The following BMP6 variants were observed in gnomAD, a reference collection of about 807,000 sequenced individuals.
The protein encoded by BMP6 is VG-1-R.
In BMP6, 17 loss-of-function variants were observed where a neutral mutation model predicts 54.1. The ratio of observed to expected loss-of-function variants is 0.31; its 90% CI spans 0.22 to 0.47. BMP6 has a LOEUF of 0.47. Among genes scored for constraint, BMP6 ranks in the 20% least tolerant of loss-of-function variants. BMP6 has a pLI of 1.00. For synonymous variants in BMP6, 328 were observed against 291.2 expected (o/e 1.13, Z -1.28); for missense variants, 720 against 690.4 (o/e 1.04, Z -0.48).
chr6:7,784,292 A>G (rs1042643272), intron 1 of BMP6, among the ~76,000 whole-genome samples: 2 of 151,990 alleles, frequency 1.3e-5, no homozygotes, highest in Non-Finnish European at 2.9e-5. Context: ...TGCCCTTCTT[A>G]TTATCTAAGT....
intron 1 of BMP6, among the ~76,000 whole-genome samples, chr6:7,732,050 T>A (rs1761868938): frequency 6.6e-6 from 1 of 152,146 alleles, no homozygotes; most frequent in African/African-American, 2.4e-5. Flanking sequence ...TTGGGAAACA[T>A]AAATAAGAAG....
intron 1 of BMP6, among the ~76,000 whole-genome samples, chr6:7,811,403 A>G (rs982335909): frequency 1.3e-5 from 2 of 152,146 alleles, no homozygotes; most frequent in African/African-American, 4.8e-5. Context: ...GAGACTATCT[A>G]GAAGGAAGGT....
chr6:7,810,283 G>A (rs1183655026), intron 1 of BMP6, among the ~76,000 whole-genome samples: 1 of 152,196 alleles, frequency 6.6e-6, no homozygotes, highest in African/African-American at 2.4e-5. Context: ...TAAGAAAACA[G>A]CTACGTAGAT....
chr6:7,856,058 T>C (rs1310297669), intron 2 of BMP6, among the ~76,000 whole-genome samples: 1 of 140,664 alleles, frequency 7.1e-6, no homozygotes, highest in Admixed American at 7.9e-5. Flanking sequence ...GCATTTGATA[T>C]TTGAAACGTC....
intron 2 of BMP6, among the ~76,000 whole-genome samples, chr6:7,852,526 A>C (rs931724500): frequency 1.3e-5 from 2 of 152,266 alleles, no homozygotes; most frequent in Non-Finnish European, 2.9e-5. Context: ...GCAGTGAGCT[A>C]TGATTGCACC....
Position 7,848,372 on chromosome 6 carries a change from A to G in BMP6, c.857+3040A>G, listed in dbSNP as rs190421359. Among the ~76,000 whole-genome samples the G allele has an allele frequency of 2.3e-3, 346 of 152,278 alleles. 3 individuals carry two copies. The highest frequency in any genetic ancestry group is 7.9e-3 in the African/African-American group (327 of 41,570). On this transcript the variant is annotated intron_variant, in intron 2 of 6. Transcript: ENST00000283147. Reference sequence around the variant, plus strand: ...GAAAGCTAAAGAACTTGTCTTTGAGATATTTTTCAGAGTTAGCATTTCAGC... The same window carrying G: ...GAAAGCTAAAGAACTTGTCTTTGAGGTATTTTTCAGAGTTAGCATTTCAGC...
Position 7,831,731 on chromosome 6 carries a change from A to G in BMP6, c.665-13409A>G, listed in dbSNP as rs376426517. Among the ~76,000 whole-genome samples, 64 of 152,354 alleles carry G rather than the reference A, an allele frequency of 4.2e-4. No individual in the cohort carries two copies. In the Middle Eastern group the frequency reaches 0.014, roughly 32 times the overall value. On this transcript the variant is annotated intron_variant, in intron 1 of 6. Transcript: ENST00000283147. ...GCCAATAGTGCTGCTGCTTAAAACA[A>G]CAAACCCAGACAGATGTGTTCAGCA... is the stretch of plus-strand genomic sequence containing the variant.
At chr6:7,805,322 A>G (rs1292764110) in intron 1 of BMP6, among the ~76,000 whole-genome samples, 1 of 152,242 alleles carries the variant, frequency 6.6e-6, no homozygotes, top group African/African-American at 2.4e-5. Flanking sequence ...CTTTTGGATT[A>G]CAGAGCTGCA....
At chr6:7,838,098 T>C (rs150901705) in intron 1 of BMP6, among the ~76,000 whole-genome samples, 3 of 152,342 alleles carry the variant, frequency 2.0e-5, no homozygotes, top group African/African-American at 7.2e-5. Context: ...AGTTTCGGTT[T>C]CCACAGTTTG....
intron 2 of BMP6, among the ~76,000 whole-genome samples, chr6:7,855,613 G>A (rs1211328491): frequency 6.9e-6 from 1 of 144,702 alleles, no homozygotes; most frequent in Non-Finnish European, 1.5e-5. Context: ...TCAGGCTGGG[G>A]TGCAGTGGCA....
intron 4 of BMP6, among the ~76,000 whole-genome samples, chr6:7,872,092 C>G (rs540238653): frequency 9.2e-5 from 14 of 152,192 alleles, no homozygotes; most frequent in South Asian, 4.2e-4. Flanking sequence ...CTTCCTTTCT[C>G]TGCCCTGCCC....
rs570980959 is a variant in BMP6, at chr6:7,729,525, G to C, written c.664+1906G>C. On this transcript the variant is annotated intron_variant, in intron 1 of 6. Transcript: ENST00000283147. ...CATTAGCTGCCCTGTAGTATCACCC[G>C]GGGGACTTAGAGTTCTAGGGTTATT... Among the ~76,000 whole-genome samples, 322 of 152,266 alleles carry C rather than the reference G, an allele frequency of 2.1e-3. 1 individual carries two copies. Among genetic ancestry groups the C allele is most frequent in the African/African-American group, 7.4e-3 (309 of 41,552 alleles).
rs80354891 is a variant in BMP6, at chr6:7,735,168, G to A, written c.664+7549G>A. 3.8e-3 allele frequency among the ~76,000 whole-genome samples: 576 copies of A among 152,314 alleles called. 4 individuals are homozygous for A. The highest frequency in any genetic ancestry group is 6.1e-3 in the Non-Finnish European group (415 of 68,028). On this transcript the variant is annotated intron_variant, in intron 1 of 6. Coordinates refer to ENST00000283147, the MANE Select transcript of BMP6 (RefSeq NM_001718.6). ...ACCCTGACCTCCGATATCCGCCACG[G>A]GCCTTATTATCACTCTCCTGCCGCT...
intron 1 of BMP6, among the ~76,000 whole-genome samples, chr6:7,772,984 G>A (rs1757813119): frequency 6.6e-6 from 1 of 152,164 alleles, no homozygotes; most frequent in Non-Finnish European, 1.5e-5. Context: ...ATTTTAAAAT[G>A]CAATTTTCTG....
At chr6:7,823,428 A>G (rs1758646041) in intron 1 of BMP6, among the ~76,000 whole-genome samples, 1 of 152,214 alleles carries the variant, frequency 6.6e-6, no homozygotes, top group African/African-American at 2.4e-5. Context: ...TATGTGACAT[A>G]TGGGATATTA....
chr6:7,850,614 C>T (rs1452321333), intron 2 of BMP6, among the ~76,000 whole-genome samples: 3 of 152,180 alleles, frequency 2.0e-5, no homozygotes, highest in African/African-American at 7.2e-5. Context: ...GGTAAAAACA[C>T]ATTTTCCAGA....
intron 4 of BMP6, among the ~76,000 whole-genome samples, chr6:7,863,696 C>G (rs1186897544): frequency 6.6e-6 from 1 of 152,186 alleles, no homozygotes; most frequent in African/African-American, 2.4e-5. Context: ...AGCTCTGCTA[C>G]CTGAGTGTCA....
intron 1 of BMP6, among the ~76,000 whole-genome samples, chr6:7,827,268 C>T (rs762033068): frequency 2.6e-5 from 4 of 152,140 alleles, no homozygotes; most frequent in East Asian, 1.9e-4. Flanking sequence ...GAAAACAGCA[C>T]GTTAAGTGAG....
chr6:7,740,050 C>T (rs1014022739), intron 1 of BMP6, among the ~76,000 whole-genome samples: 4 of 152,170 alleles, frequency 2.6e-5, no homozygotes, highest in Non-Finnish European at 4.4e-5. Context: ...TGAGACAGGA[C>T]ACAGGCAGGG....
Sources: gnomAD v4.1 joint callset for allele counts (sites outside exome capture counted in the v4.1 genomes callset) on GRCh38, gnomAD v4.1.1 for gene constraint, MANE v1.5 for transcripts, NCBI Gene and HGNC (gene_info 2026-07-23, HGNC 2026-07-21) for gene names.